ABCB1: variants seen among roughly 807,000 people sequenced by gnomAD.
ABCB1 encodes ATP-dependent translocase ABCB1.
Under a neutral mutation model 142.0 loss-of-function variants are expected in ABCB1, and 69 were observed. That is an observed-to-expected ratio of 0.49 (90% CI 0.40 to 0.59). The LOEUF (loss-of-function observed/expected upper bound fraction) is 0.59, where lower values mean the gene tolerates loss of function less well. ABCB1 is among the 20% of genes least tolerant of loss of function. The probability of loss-of-function intolerance (pLI) is 0.00; values close to 1 mark genes in which losing one functional copy is unlikely to be tolerated. For missense variants in ABCB1, 1,326 were observed against 1,554.7 expected, an observed-to-expected ratio of 0.85 and a Z score of 2.47; for synonymous variants, 532 against 539.2, an observed-to-expected ratio of 0.99 and a Z score of 0.18.
intron 26 of ABCB1, 73 bp from the exon 27 acceptor site, chr7:87,506,116 G>A (rs1814727283): frequency 4.0e-6 from 6 of 1,488,564 alleles, no homozygotes; most frequent in Non-Finnish European, 5.6e-6. Flanking sequence ...ATAGAAAGTA[G>A]GATAGACGAT....
chr7:87,575,098 C>A (rs1818219174), intron 4 of ABCB1, among the ~76,000 whole-genome samples: 1 of 152,082 alleles, frequency 6.6e-6, no homozygotes, highest in South Asian at 2.1e-4. Flanking sequence ...TTCTACCTGG[C>A]AAGAAAAGCC....
At chr7:87,554,040 C>A (rs1817209360) in intron 8 of ABCB1, 108 bp from the exon 9 acceptor site, 2 of 991,132 alleles carry the variant, frequency 2.0e-6, no homozygotes, top group African/African-American at 1.6e-5. Context: ...GATATACATG[C>A]ATTTTGTCCT....
chr7:87,569,617 C>T (rs1014688508), intron 5 of ABCB1, among the ~76,000 whole-genome samples: 1 of 151,898 alleles, frequency 6.6e-6, no homozygotes, highest in African/African-American at 2.4e-5. Context: ...ATTGTCATGT[C>T]GTATGAAAAC....
intron 14 of ABCB1, among the ~76,000 whole-genome samples, chr7:87,548,550 C>T (rs1816906341): frequency 6.6e-6 from 1 of 152,120 alleles, no homozygotes; most frequent in African/African-American, 2.4e-5. Flanking sequence ...TGTTAAGGAA[C>T]ATTCAAGTGT....
intron 7 of ABCB1, chr7:87,565,623 A>G: frequency 2.9e-6 from 1 of 341,256 alleles, no homozygotes; most frequent in South Asian, 2.3e-5. Flanking sequence ...AAATCTAGAA[A>G]GCCAAAAACA....
intron 3 of ABCB1, among the ~76,000 whole-genome samples, chr7:87,587,204 T>G (rs1184528088): frequency 6.6e-6 from 1 of 152,170 alleles, no homozygotes; most frequent in Non-Finnish European, 1.5e-5. Context: ...AGAGATTATA[T>G]TAAAGTAGAT....
rs148878649 is a variant in ABCB1 at position 87,687,133 on chromosome 7, A to G, written c.-331+26028T>C. On this transcript the variant is annotated intron_variant, in intron 1 of 28. Transcript: ENST00000265724. ...TGGCTTGCTGACTCACATTCAGTTT[A>G]GATTTTATATTGATTCTTAATATTT... is the stretch of plus-strand genomic sequence containing the variant. Among the ~76,000 whole-genome samples, 4 of 152,264 alleles carry G rather than the reference A, an allele frequency of 2.6e-5. No individual in the cohort carries two copies. In the East Asian group the frequency reaches 7.7e-4, roughly 29 times the overall value.
At chr7:87,693,158 T>G (rs1828168149) in intron 1 of ABCB1, among the ~76,000 whole-genome samples, 1 of 152,172 alleles carries the variant, frequency 6.6e-6, no homozygotes, top group Non-Finnish European at 1.5e-5. Flanking sequence ...AGTTTTCCCA[T>G]ATTGTTATAC....
intron 26 of ABCB1, among the ~76,000 whole-genome samples, chr7:87,508,101 T>A (rs1239464868): frequency 6.6e-6 from 1 of 152,148 alleles, no homozygotes; most frequent in African/African-American, 2.4e-5. Context: ...TACCCAGGTA[T>A]AATAAACCTG....
At chr7:87,610,424 A>G (rs1166770544) in intron 1 of ABCB1, among the ~76,000 whole-genome samples, 1 of 96,228 alleles carries the variant, frequency 1.0e-5, no homozygotes, top group African/African-American at 4.6e-5. Context: ...TTTTTTTTTC[A>G]GAGATAGAGT....
intron 4 of ABCB1, among the ~76,000 whole-genome samples, chr7:87,584,190 G>A (rs934776994): frequency 3.3e-5 from 5 of 152,092 alleles, no homozygotes; most frequent in African/African-American, 1.2e-4. Context: ...CTACCCCAGG[G>A]TAAACAATGT....
chr7:87,532,368 C>T (rs1328469124), intron 20 of ABCB1, among the ~76,000 whole-genome samples: 2 of 152,144 alleles, frequency 1.3e-5, no homozygotes, highest in African/African-American at 2.4e-5. Flanking sequence ...TCACAGGATG[C>T]GACAGGAGGT....
At chr7:87,539,608 C>T (rs1368493621) in intron 18 of ABCB1, among the ~76,000 whole-genome samples, 3 of 152,176 alleles carry the variant, frequency 2.0e-5, no homozygotes, top group Non-Finnish European at 2.9e-5. Context: ...GAGTTGGAAT[C>T]TTAATCCAGA....
chr7:87,526,144 T>C (rs1250500784), intron 21 of ABCB1, among the ~76,000 whole-genome samples: 2 of 151,082 alleles, frequency 1.3e-5, no homozygotes, highest in African/African-American at 4.9e-5. Context: ...ATCTATACCT[T>C]GAAAGCCTTC....
At chr7:87,511,834 G>A (rs1324737360) in intron 25 of ABCB1, among the ~76,000 whole-genome samples, 3 of 152,194 alleles carry the variant, frequency 2.0e-5, no homozygotes, top group Non-Finnish European at 2.9e-5. Flanking sequence ...ACAATGACAA[G>A]CAGCTTCTAA....
At chr7:87,537,750 A>G (rs1392697198) in intron 19 of ABCB1, among the ~76,000 whole-genome samples, 3 of 152,242 alleles carry the variant, frequency 2.0e-5, no homozygotes, top group African/African-American at 7.2e-5. Context: ...ATTAAAATAT[A>G]ACATTCAACA....
At chr7:87,616,028 A>T (rs1235664005) in intron 1 of ABCB1, among the ~76,000 whole-genome samples, 1 of 152,208 alleles carries the variant, frequency 6.6e-6, no homozygotes, top group Non-Finnish European at 1.5e-5. Context: ...TACAATTTAT[A>T]CCTTTATAGC....
At chr7:87,578,922 T>C (rs1362840961) in intron 4 of ABCB1, among the ~76,000 whole-genome samples, 8 of 151,962 alleles carry the variant, frequency 5.3e-5, no homozygotes, top group African/African-American at 1.5e-4. Context: ...CTCGATCTCC[T>C]GACCTCGTGA....
At chr7:87,708,275 A>G (rs908344344) in intron 1 of ABCB1, among the ~76,000 whole-genome samples, 2 of 152,166 alleles carry the variant, frequency 1.3e-5, no homozygotes, top group Non-Finnish European at 2.9e-5. Flanking sequence ...AAAAGATAAT[A>G]TAAATTACCG....
Sources: gnomAD v4.1 joint callset for allele counts (sites outside exome capture counted in the v4.1 genomes callset) on GRCh38, gnomAD v4.1.1 for gene constraint, MANE v1.5 for transcripts, NCBI Gene and HGNC (gene_info 2026-07-23, HGNC 2026-07-21) for gene names.